EIF4ENIF1: variants seen among roughly 807,000 people sequenced by gnomAD.
The protein encoded by EIF4ENIF1 is eukaryotic translation initiation factor 4E transporter.
Under a neutral mutation model 110.5 loss-of-function variants are expected in EIF4ENIF1, and 23 were observed. The ratio of observed to expected loss-of-function variants is 0.21; its 90% CI spans 0.15 to 0.29. The LOEUF (loss-of-function observed/expected upper bound fraction) is 0.29. Among genes scored for constraint, EIF4ENIF1 ranks in the 10% least tolerant of loss-of-function variants. EIF4ENIF1 has a pLI of 1.00. For synonymous variants in EIF4ENIF1, 440 were observed against 437.0 expected, an observed-to-expected ratio of 1.01 and a Z score of -0.09; for missense variants, 1,031 against 1,221.1, an observed-to-expected ratio of 0.84 and a Z score of 2.32.
At chr22:31,440,290 A>C (rs1053757443) in intron 18 of EIF4ENIF1, among the ~76,000 whole-genome samples, 169 bp from the exon 19 acceptor site, 1 of 152,208 alleles carries the variant, frequency 6.6e-6, no homozygotes, top group Non-Finnish European at 1.5e-5. Flanking sequence ...AGTACCATGG[A>C]AAGCTGAGCT....
At chr22:31,483,502 G>A (rs571131058) in intron 2 of EIF4ENIF1, among the ~76,000 whole-genome samples, 4 of 151,944 alleles carry the variant, frequency 2.6e-5, no homozygotes, top group South Asian at 2.1e-4. Flanking sequence ...CACACCCAGC[G>A]AGCAGGTGAT....
intron 10 of EIF4ENIF1, chr22:31,453,376 CTTT>C (rs749007679): frequency 7.4e-3 from 2,359 of 318,184 alleles, no homozygotes; most frequent in South Asian, 0.012. Flanking sequence ...ACCCATCTTA[CTTT>C]TTTTTTTTTT....
intron 16 of EIF4ENIF1, 133 bp downstream of exon 16, chr22:31,442,829 C>G (rs2145896931): frequency 1.6e-6 from 2 of 1,216,026 alleles, no homozygotes; most frequent in Non-Finnish European, 2.3e-6. Context: ...CTCACTGACA[C>G]AGAACCATAG....
Position 31,458,635 on chromosome 22 carries a change from T to C in EIF4ENIF1, c.803A>G (p.Asn268Ser), listed in dbSNP as rs762037849. ...ASVKEGIVEC[N>S]GGVAEEDEVE... is the part of the protein sequence containing the mutation. ...TTCATCCTCTTCGGCCACTCCTCCA[T>C]TGCACTCTACTATACCTGAAAGCAA... The change falls in exon 7 of 19, where the codon AAT becomes AGT. Residue 268 changes from asparagine to serine, a missense_variant. Physicochemically the swap from Asn to Ser is conservative, Grantham distance 46. Transcript: ENST00000330125. The C allele has an allele frequency of 3.7e-6, 6 of 1,605,272 alleles. No homozygotes were observed. The highest frequency in any genetic ancestry group is 1.3e-5 in the African/African-American group (1 of 74,812).
At chr22:31,443,806 CTT>C (rs386395221) in intron 15 of EIF4ENIF1, among the ~76,000 whole-genome samples, 30 of 129,100 alleles carry the variant, frequency 2.3e-4, no homozygotes, top group Admixed American at 2.5e-4. Flanking sequence ...GGGAATGAAC[CTT>C]TTTTTTTTTT....
chr22:31,440,918 A>C, intron 17 of EIF4ENIF1, 50 bp from the exon 18 acceptor site: 1 of 1,605,046 alleles, frequency 6.2e-7, no homozygotes, highest in African/African-American at 1.3e-5. Context: ...GTTACCTGGA[A>C]GTTTTCCAGC....
At chr22:31,450,449 T>TC in intron 10 of EIF4ENIF1, 89 bp from the exon 11 acceptor site, 1 of 1,016,358 alleles carries the variant, frequency 9.8e-7, no homozygotes, top group Non-Finnish European at 1.5e-6. Context: ...CATAAAATAC[T>TC]CCTAGGGAGT....
At chr22:31,449,553 C>T in intron 11 of EIF4ENIF1, 22 bp from the exon 12 acceptor site, 1 of 1,602,100 alleles carries the variant, frequency 6.2e-7, no homozygotes, top group Non-Finnish European at 8.5e-7. Flanking sequence ...AAAGCCAAAT[C>T]CCTGTGAACT....
chr22:31,446,258 C>T (rs1256623008), intron 14 of EIF4ENIF1, among the ~76,000 whole-genome samples: 1 of 118,186 alleles, frequency 8.5e-6, no homozygotes, highest in East Asian at 2.7e-4. Context: ...GCACTCCATC[C>T]TGGGCAACAG....
At chr22:31,484,780 G>C (rs374700915) in intron 2 of EIF4ENIF1, among the ~76,000 whole-genome samples, 1 of 152,090 alleles carries the variant, frequency 6.6e-6, no homozygotes, top group Non-Finnish European at 1.5e-5. Context: ...TGCGGTGAGC[G>C]GAGATGGCGC....
chr22:31,487,733 T>C (rs1456547725), intron 2 of EIF4ENIF1, among the ~76,000 whole-genome samples: 1 of 142,886 alleles, frequency 7.0e-6, no homozygotes. Context: ...CAGGCTGCAG[T>C]GAGCCATGAT....
At chr22:31,445,444 T>C (rs930812583) in intron 14 of EIF4ENIF1, among the ~76,000 whole-genome samples, 10 of 152,198 alleles carry the variant, frequency 6.6e-5, no homozygotes, top group African/African-American at 2.4e-4. Flanking sequence ...TCATGGCTTC[T>C]TTCTAGTTAG....
At chr22:31,460,247 C>T (rs2050948414) in intron 6 of EIF4ENIF1, among the ~76,000 whole-genome samples, 1 of 152,174 alleles carries the variant, frequency 6.6e-6, no homozygotes, top group Non-Finnish European at 1.5e-5. Context: ...CCATTTCCTT[C>T]TCCTTCTAAA....
chr22:31,443,980 T>G (rs930798646), intron 15 of EIF4ENIF1, among the ~76,000 whole-genome samples: 1 of 151,876 alleles, frequency 6.6e-6, no homozygotes, highest in Non-Finnish European at 1.5e-5. Context: ...GTATTAGGGG[T>G]AGAGACAGGG....
At chr22:31,441,420 G>A (rs2050291653) in intron 17 of EIF4ENIF1, among the ~76,000 whole-genome samples, 2 of 150,236 alleles carry the variant, frequency 1.3e-5, no homozygotes, top group Non-Finnish European at 1.5e-5. Context: ...TGCACCTGTA[G>A]TCCCAGCTAC....
intron 16 of EIF4ENIF1, among the ~76,000 whole-genome samples, chr22:31,442,496 C>T (rs1227123849): frequency 6.6e-6 from 1 of 152,120 alleles, no homozygotes. Flanking sequence ...CTTTTAACAC[C>T]TCTGTAAACC....
chr22:31,477,134 C>T (rs1430264890), intron 2 of EIF4ENIF1, among the ~76,000 whole-genome samples: 1 of 151,420 alleles, frequency 6.6e-6, no homozygotes, highest in East Asian at 1.9e-4. Context: ...AAAAAGAGGC[C>T]GGACGTATTA....
intron 10 of EIF4ENIF1, among the ~76,000 whole-genome samples, chr22:31,451,576 T>G (rs1460474519): frequency 6.6e-6 from 1 of 151,996 alleles, no homozygotes; most frequent in Non-Finnish European, 1.5e-5. Flanking sequence ...ACCCGGCAAC[T>G]TTATTATTTT....
chr22:31,449,363 T>C lies in EIF4ENIF1; in HGVS notation c.1753A>G (p.Ile585Val), dbSNP rs2050578071. 1.9e-6 allele frequency: 3 copies of C among 1,613,512 alleles called. No homozygotes were observed. The highest frequency in any genetic ancestry group is 2.5e-6 in the Non-Finnish European group (3 of 1,179,910). Residue 585 changes from isoleucine to valine, a missense_variant, in exon 12 of 19, where the codon ATA becomes GTA. Coordinates refer to ENST00000330125, the MANE Select transcript of EIF4ENIF1 (RefSeq NM_019843.4). ...GTATATTTACCAATTGGTGATGGTA[T>C]TCTTGGGCGAAGGTAGTCAGCTGAG... ...AASADYLRPRIPSPIGFTPGP... is the reference protein window; with the variant it reads ...AASADYLRPRVPSPIGFTPGP...
Sources: allele counts gnomAD v4.1 joint callset (sites outside exome capture counted in the v4.1 genomes callset), GRCh38; gene constraint gnomAD v4.1.1; transcripts MANE v1.5; gene names NCBI Gene and HGNC (gene_info 2026-07-23, HGNC 2026-07-21).